The following GRM3 variants were observed in gnomAD, a reference collection of about 807,000 sequenced individuals.
GRM3 encodes metabotropic glutamate receptor 3.
In GRM3, 26 loss-of-function variants were observed where a neutral mutation model predicts 70.5. The observed-to-expected ratio is 0.37, with a 90% CI of 0.27 to 0.51. GRM3 has a LOEUF of 0.51. GRM3 is among the 20% of genes least tolerant of loss of function. The pLI is 0.93. For synonymous variants in GRM3, 443 were observed against 434.9 expected (o/e 1.02, Z -0.23); for missense variants, 859 against 1,123.8 (o/e 0.76, Z 3.37).
intron 4 of GRM3, among the ~76,000 whole-genome samples, chr7:86,842,515 C>G (rs144932986): frequency 6.6e-6 from 1 of 152,090 alleles, no homozygotes; most frequent in African/African-American, 2.4e-5. Flanking sequence ...ACCCTATAAG[C>G]ATTTGAACTT....
At chr7:86,656,269 T>G (rs540185050) in intron 1 of GRM3, among the ~76,000 whole-genome samples, 2 of 143,228 alleles carry the variant, frequency 1.4e-5, no homozygotes, top group East Asian at 4.0e-4. Context: ...TCTTTTTTTT[T>G]TTTTTTTTTT....
chr7:86,747,562 T>C (rs1796134401), intron 1 of GRM3, among the ~76,000 whole-genome samples: 1 of 152,086 alleles, frequency 6.6e-6, no homozygotes, highest in Non-Finnish European at 1.5e-5. Flanking sequence ...GGTCCAGTTA[T>C]AATCTTCACC....
At position 86,654,908 on chromosome 7, in the gene GRM3, CAA is replaced by C. The variant is rs564984842; in HGVS notation, c.-141+10037_-141+10038del. Reference sequence around the variant, plus strand: ...CAGCTTACACTAAATAGACAATAAACAAGAGAACAAATACAGTGTGAAGAAAA... The same window carrying C: ...CAGCTTACACTAAATAGACAATAAACGAGAACAAATACAGTGTGAAGAAAA... On this transcript the variant is annotated intron_variant, in intron 1 of 5. Coordinates refer to ENST00000361669, the MANE Select transcript of GRM3 (RefSeq NM_000840.3). Among the ~76,000 whole-genome samples the C allele has an allele frequency of 2.9e-3, 440 of 152,106 alleles. 1 individual carries two copies. The highest frequency in any genetic ancestry group is 0.01 in the African/African-American group (417 of 41,494).
intron 2 of GRM3, among the ~76,000 whole-genome samples, chr7:86,777,552 C>T (rs1163824021): frequency 6.6e-6 from 1 of 152,162 alleles, no homozygotes; most frequent in East Asian, 1.9e-4. Context: ...ACTGCGTACA[C>T]TGGTATTTGC....
In GRM3 at chr7:86,785,685, ATTTTTTTTTTTTTT is replaced by A. The variant is rs749456155; in HGVS notation, c.469-556_469-543del. Reference sequence around the variant, plus strand: ...TTGGGTGGTGGACTAAATAGAATTGATTTTTTTTTTTTTTTTTTTTTTTTTTTTTTTTTGCTTAA... The same window carrying A: ...TTGGGTGGTGGACTAAATAGAATTGATTTTTTTTTTTTTTTTTTTGCTTAA... On this transcript the variant is annotated intron_variant, in intron 2 of 5. Coordinates refer to ENST00000361669, the MANE Select transcript of GRM3 (RefSeq NM_000840.3). 2.8e-3 allele frequency among the ~76,000 whole-genome samples: 183 copies of A among 65,264 alleles called. 1 individual carries two copies. The highest frequency in any genetic ancestry group is 0.014 in the Middle Eastern group (1 of 72). 42.8% of individuals were successfully genotyped at this position (65,264 alleles called of 152,430 possible).
rs779445467 is a variant in GRM3, at chr7:86,659,815, A to G, written c.-141+14943A>G. Among the ~76,000 whole-genome samples the G allele has an allele frequency of 1.0e-3, 158 of 152,020 alleles. 12 individuals are homozygous for G. Among genetic ancestry groups the G allele is most frequent in the Non-Finnish European group, 6.5e-4 (44 of 67,934 alleles). On this transcript the variant is annotated intron_variant, in intron 1 of 5. Coordinates refer to ENST00000361669, the MANE Select transcript of GRM3 (RefSeq NM_000840.3). ...ACATTTTAAAGCTTTATTTCTTTAC[A>G]AACTATTTGTTCTTTTGATCTCCAG...
chr7:86,793,361 C>T (rs913222097), intron 3 of GRM3, among the ~76,000 whole-genome samples: 2 of 152,168 alleles, frequency 1.3e-5, no homozygotes, highest in African/African-American at 4.8e-5. Context: ...CCATCCAAGG[C>T]ACAGTGAGGA....
At position 86,854,976 on chromosome 7, in the gene GRM3, C is replaced by A. The variant is rs142529583; in HGVS notation, c.2566+4432C>A. 1.8e-4 allele frequency among the ~76,000 whole-genome samples: 27 copies of A among 152,290 alleles called. No homozygotes were observed. The East Asian group carries it at 5.2e-3, about 29-fold the overall frequency. ...TCATTTCCAGCATAGAAGAACCTGGCCGCTCAGAAAACATTTACTAAAAGT... is the reference window on the plus strand; with the variant it reads ...TCATTTCCAGCATAGAAGAACCTGGACGCTCAGAAAACATTTACTAAAAGT... On this transcript the variant is annotated intron_variant, in intron 5 of 5. Transcript: ENST00000361669.
chr7:86,864,192 G>T, intron 5 of GRM3, 90 bp from the exon 6 acceptor site: 2 of 733,104 alleles, frequency 2.7e-6, no homozygotes, highest in East Asian at 2.5e-5. Flanking sequence ...CCTTCCCCCC[G>T]AGTCCCCAAA....
In GRM3 at chr7:86,802,013, TAA is replaced by T. The variant is rs551251725; in HGVS notation, c.1324+14899_1324+14900del. Among the ~76,000 whole-genome samples, 351 of 152,270 alleles carry T rather than the reference TAA, an allele frequency of 2.3e-3. 2 individuals are homozygous for T. Among genetic ancestry groups the T allele is most frequent in the Non-Finnish European group, 4.0e-3 (273 of 68,004 alleles). On this transcript the variant is annotated intron_variant, in intron 3 of 5. Coordinates refer to ENST00000361669, the MANE Select transcript of GRM3 (RefSeq NM_000840.3). ...ACCCTGAATTTAAGCTAAAACCAAT[TAA>T]ATTTTAATCTGAAAGGAAAAGAAGA...
intron 1 of GRM3, among the ~76,000 whole-genome samples, chr7:86,712,292 T>C (rs369354170): frequency 6.6e-6 from 1 of 152,162 alleles, no homozygotes; most frequent in East Asian, 1.9e-4. Context: ...GCTGCCATAG[T>C]GTTCTCTTCC....
At chr7:86,727,076 G>A (rs1338865626) in intron 1 of GRM3, among the ~76,000 whole-genome samples, 1 of 152,124 alleles carries the variant, frequency 6.6e-6, no homozygotes, top group Non-Finnish European at 1.5e-5. Flanking sequence ...CTCTTTCCTA[G>A]GGAAATTAAA....
intron 1 of GRM3, among the ~76,000 whole-genome samples, chr7:86,714,027 A>G (rs1584187761): frequency 6.6e-6 from 1 of 152,110 alleles, no homozygotes; most frequent in African/African-American, 2.4e-5. Flanking sequence ...CAACTCTGAC[A>G]TACAGCTATG....
intron 1 of GRM3, among the ~76,000 whole-genome samples, chr7:86,697,275 A>G (rs1330172981): frequency 6.6e-6 from 1 of 151,748 alleles, no homozygotes; most frequent in East Asian, 1.9e-4. Context: ...CAATTATAGT[A>G]TACAATTAAA....
intron 1 of GRM3, among the ~76,000 whole-genome samples, chr7:86,740,701 A>C (rs888543080): frequency 6.6e-6 from 1 of 152,220 alleles, no homozygotes; most frequent in Admixed American, 6.5e-5. Context: ...AGACCCTCTT[A>C]AAAATTCTCG....
At chr7:86,763,707 G>A (rs1438538092) in intron 1 of GRM3, among the ~76,000 whole-genome samples, 2 of 152,122 alleles carry the variant, frequency 1.3e-5, no homozygotes, top group Admixed American at 6.6e-5. Context: ...GAGATGTGAC[G>A]ACAAAATGAG....
chr7:86,850,424 G>A lies in GRM3; in HGVS notation c.2446G>A (p.Gly816Ser), dbSNP rs959108256. Residue 816 changes from glycine to serine, a missense_variant, in exon 5 of 6, where the codon GGC becomes AGC. Gly to Ser is a moderately conservative substitution (Grantham distance 56). Coordinates refer to ENST00000361669, the MANE Select transcript of GRM3 (RefSeq NM_000840.3). ...CAGCCTGAGTGGCTTTGTGGTCTTG[G>A]GCTGTTTGTTTGCACCCAAGGTTCA... ...SVSLSGFVVL[G>S]CLFAPKVHII... The A allele has an allele frequency of 1.6e-5, 25 of 1,612,876 alleles. No homozygotes were observed. Among genetic ancestry groups the A allele is most frequent in the Non-Finnish European group, 2.0e-5 (24 of 1,179,292 alleles).
At chr7:86,650,787 A>G (rs1793584320) in intron 1 of GRM3, among the ~76,000 whole-genome samples, 1 of 152,214 alleles carries the variant, frequency 6.6e-6, no homozygotes, top group Non-Finnish European at 1.5e-5. Context: ...GATAGAGGTG[A>G]GTAGGATTTC....
intron 3 of GRM3, among the ~76,000 whole-genome samples, chr7:86,838,589 T>C (rs1309746782): frequency 2.0e-5 from 3 of 152,210 alleles, no homozygotes; most frequent in Non-Finnish European, 4.4e-5. Flanking sequence ...ATAAGCATTG[T>C]ATTGTATTCA....
Sources: gnomAD v4.1 joint callset for allele counts (sites outside exome capture counted in the v4.1 genomes callset) on GRCh38, gnomAD v4.1.1 for gene constraint, MANE v1.5 for transcripts, NCBI Gene and HGNC (gene_info 2026-07-23, HGNC 2026-07-21) for gene names.